The following ERN2 variants were observed in gnomAD, a reference collection of about 807,000 sequenced individuals.
ERN2 encodes serine/threonine-protein kinase/endoribonuclease IRE2.
Under a neutral mutation model 107.9 loss-of-function variants are expected in ERN2, and 111 were observed. That is an observed-to-expected ratio of 1.03 (90% CI 0.88 to 1.20). The LOEUF (loss-of-function observed/expected upper bound fraction) is 1.20. Among genes scored for constraint, ERN2 ranks in the 50% most tolerant of loss-of-function variants. The probability of loss-of-function intolerance (pLI) is 0.00; values close to 1 mark genes in which losing one functional copy is unlikely to be tolerated. For missense variants in ERN2, 1,225 were observed against 1,197.9 expected, an observed-to-expected ratio of 1.02 and a Z score of -0.33; for synonymous variants, 524 against 501.7, an observed-to-expected ratio of 1.04 and a Z score of -0.59.
chr16:23,697,516 G>A (rs1039432536), intron 13 of ERN2, among the ~76,000 whole-genome samples: 3 of 152,132 alleles, frequency 2.0e-5, no homozygotes, highest in African/African-American at 7.2e-5. Context: ...GCTGGACTCA[G>A]AGGCTCTTGT....
At chr16:23,703,889 T>C (rs1429565467) in intron 8 of ERN2, among the ~76,000 whole-genome samples, 1 of 152,198 alleles carries the variant, frequency 6.6e-6, no homozygotes, top group African/African-American at 2.4e-5. Flanking sequence ...TACATTCCCA[T>C]GGCATCTTAT....
intron 17 of ERN2, 122 bp downstream of exon 17, chr16:23,694,606 G>C: frequency 1.2e-6 from 1 of 800,890 alleles, no homozygotes. Flanking sequence ...CAAGCTTGGA[G>C]GAGCAGCTCA....
intron 4 of ERN2, 66 bp from the exon 5 acceptor site, chr16:23,707,145 G>A: frequency 5.3e-6 from 6 of 1,135,092 alleles, no homozygotes; most frequent in South Asian, 1.2e-5. Context: ...TGTGCCAGGT[G>A]AGCCCATTTC....
intron 17 of ERN2, 29 bp downstream of exon 17, chr16:23,694,699 T>C (rs1959726433): frequency 6.4e-7 from 1 of 1,562,412 alleles, no homozygotes; most frequent in Non-Finnish European, 8.7e-7. Flanking sequence ...GGCAGCTGTG[T>C]GCCTGGAGGA....
intron 4 of ERN2, chr16:23,707,434 G>A (rs1960365212): frequency 3.1e-6 from 1 of 318,596 alleles, no homozygotes; most frequent in South Asian, 2.9e-5. Flanking sequence ...CTTGCACTGG[G>A]GCAGGCATGG....
At position 23,691,851 on chromosome 16, in the gene ERN2, A is replaced by G. The variant is rs1959609087; in HGVS notation, c.2376+112T>C. On this transcript the variant is annotated intron_variant, in intron 19 of 21. Transcript: ENST00000256797. ...AGTTTAGGGAAAGAGCCAGGCTCCCAGGACCAGGTAGCTCTTCCTGTTTTC... is the reference window on the plus strand; with the variant it reads ...AGTTTAGGGAAAGAGCCAGGCTCCCGGGACCAGGTAGCTCTTCCTGTTTTC... 2.8e-6 allele frequency: 4 copies of G among 1,410,444 alleles called. No individual in the cohort carries two copies. The South Asian group carries it at 5.5e-5, about 19-fold the overall frequency. 87.4% of individuals were successfully genotyped at this position (1,410,444 alleles called of 1,614,324 possible). A position where few individuals can be genotyped will look rare whatever the true frequency, so the allele number is the denominator to read the frequency against.
At chr16:23,712,627 C>T (rs1160690682) in intron 1 of ERN2, 3 of 156,544 alleles carry the variant, frequency 1.9e-5, no homozygotes, top group East Asian at 3.8e-4. Flanking sequence ...CTCATTTATC[C>T]CATAGGTTCT....
chr16:23,701,406 C>T (rs1241003815), intron 11 of ERN2, among the ~76,000 whole-genome samples: 4 of 152,172 alleles, frequency 2.6e-5, no homozygotes, highest in African/African-American at 9.7e-5. Context: ...AACGCGTTAG[C>T]GCTGGAGTGG....
At chr16:23,711,791 A>T (rs35851391) in intron 1 of ERN2, among the ~76,000 whole-genome samples, 6,915 of 152,280 alleles carry the variant, frequency 0.045, 199 homozygotes, top group Middle Eastern at 0.12. Flanking sequence ...TTGAGTTGCC[A>T]TCCCTCTGAT....
In ERN2 at chr16:23,695,133, G is replaced by A; in HGVS notation, c.1801-15C>T. On this transcript the variant is annotated splice_polypyrimidine_tract_variant and intron_variant, in intron 15 of 21. Transcript: ENST00000256797. ...TTTTCTACGTACTGAGCAGCAGCAA[G>A]GGCCAAAGCATCACTCTCCAGCCCG... 2 of 1,613,944 alleles carry A rather than the reference G, an allele frequency of 1.2e-6. No individual in the cohort carries two copies. Among genetic ancestry groups the A allele is most frequent in the Non-Finnish European group, 1.7e-6 (2 of 1,179,834 alleles).
At chr16:23,696,075 C>T (rs901484054) in intron 13 of ERN2, 97 bp from the exon 14 acceptor site, 1 of 849,752 alleles carries the variant, frequency 1.2e-6, no homozygotes. Context: ...TGGGCCTCCA[C>T]CCTCCCATGC....
intron 6 of ERN2, 102 bp from the exon 7 acceptor site, chr16:23,706,533 A>G (rs1960322313): frequency 1.1e-6 from 1 of 899,008 alleles, no homozygotes; most frequent in East Asian, 2.6e-5. Context: ...CTGAGCACAC[A>G]GCCTAGAGAC....
Position 23,704,994 on chromosome 16 carries a change from A to G in ERN2, c.743T>C (p.Leu248Pro), listed in dbSNP as rs1218901167. Reference protein sequence around the residue: ...DGLRQLPHLTLARDTLHFLAL... With the variant: ...DGLRQLPHLTPARDTLHFLAL... ...GAGGAAATGCAGAGTGTCTCGAGCC[A>G]GCGTGAGATGCGGCAGCTGGCGCAG... Residue 248 changes from leucine (L) to proline (P), a missense_variant, in exon 8 of 22, where the codon CTG becomes CCG. By Grantham distance (98) the Leu-to-Pro change is moderately conservative. Coordinates refer to ENST00000256797, the MANE Select transcript of ERN2 (RefSeq NM_033266.4). 7 of 1,613,934 alleles carry G rather than the reference A, an allele frequency of 4.3e-6. No homozygotes were observed. Among genetic ancestry groups the G allele is most frequent in the Non-Finnish European group, 5.9e-6 (7 of 1,180,020 alleles).
chr16:23,698,216 C>T (rs933864101), intron 13 of ERN2, among the ~76,000 whole-genome samples: 1 of 152,198 alleles, frequency 6.6e-6, no homozygotes, highest in East Asian at 1.9e-4. Flanking sequence ...AATTAGGGCA[C>T]TTGCTGGAGC....
At position 23,695,031 on chromosome 16, in the gene ERN2, A is replaced by C. The variant is rs771280013; in HGVS notation, c.1888T>G (p.Ser630Ala). The part of the protein sequence containing the change: ...QLMSGLAHLH[S>A]LHIVHRDLKP... ...GAAGTGCGGGTACCTATGTGTAAAG[A>C]GTGCAGGTGGGCCAGGCCAGACATC... The change falls in exon 16 of 22, where the codon TCT becomes GCT. Residue 630 changes from serine to alanine, a missense_variant. By Grantham distance (99) the Ser-to-Ala change is moderately conservative. Transcript: ENST00000256797. 6.2e-7 allele frequency: 1 copy of C among 1,613,582 alleles called. No homozygotes were observed. The highest frequency in any genetic ancestry group is 1.1e-5 in the South Asian group (1 of 91,006).
In ERN2 at chr16:23,704,956, C is replaced by A. The variant is rs771745695; in HGVS notation, c.781G>T (p.Gly261Cys). 2 of 1,613,782 alleles carry A rather than the reference C, an allele frequency of 1.2e-6. No individual in the cohort carries two copies. Among genetic ancestry groups the A allele is most frequent in the Admixed American group, 3.3e-5 (2 of 60,014 alleles). ...CCTGAGGCAGGCAGTCGGATGTGGCCCCAGCGGAGGGCGAGGAAATGCAGA... is the reference window on the plus strand; with the variant it reads ...CCTGAGGCAGGCAGTCGGATGTGGCACCAGCGGAGGGCGAGGAAATGCAGA... ...DTLHFLALRW[G>C]HIRLPASGPR... Residue 261 changes from glycine (G) to cysteine (C), a missense_variant, in exon 8 of 22, where the codon GGC becomes TGC. Transcript: ENST00000256797.
Position 23,695,372 on chromosome 16 carries a change from C to G in ERN2, c.1628G>C (p.Arg543Pro), listed in dbSNP as rs769423659. 1 of 1,598,378 alleles carries G rather than the reference C, an allele frequency of 6.3e-7. No homozygotes were observed. The highest frequency in any genetic ancestry group is 1.3e-5 in the African/African-American group (1 of 74,602). ...TFVFRGQFEG[R>P]AVAVKRLLRE... ...GAGGAGCCGCTTGACAGCCACTGCC[C>G]GTCCCTCAAACTGTCCCCTGGAAAG... Residue 543 changes from arginine to proline, a missense_variant, in exon 15 of 22, where the codon CGG becomes CCG. Physicochemically the swap from Arg to Pro is moderately radical, Grantham distance 103 (BLOSUM62 -2). Coordinates refer to ENST00000256797, the MANE Select transcript of ERN2 (RefSeq NM_033266.4).
At chr16:23,693,300 T>G (rs1166472621) in intron 17 of ERN2, among the ~76,000 whole-genome samples, 1 of 151,648 alleles carries the variant, frequency 6.6e-6, no homozygotes, top group Non-Finnish European at 1.5e-5. Context: ...AATATATATA[T>G]ATAGGGCCAA....
Position 23,694,717 on chromosome 16 carries a change from G to T in ERN2, c.2100+11C>A, listed in dbSNP as rs560836583. 1.0e-4 allele frequency: 163 copies of T among 1,591,704 alleles called. 3 individuals carry two copies. In the Middle Eastern group the frequency reaches 1.6e-3, roughly 16 times the overall value. On this transcript the variant is annotated intron_variant, in intron 17 of 21. Coordinates refer to ENST00000256797, the MANE Select transcript of ERN2 (RefSeq NM_033266.4). ...AGCTGTGTGCCTGGAGGACTTGGTGGATAGACTCACAGGACTGTCTGGTGG... is the reference window on the plus strand; with the variant it reads ...AGCTGTGTGCCTGGAGGACTTGGTGTATAGACTCACAGGACTGTCTGGTGG...
Sources: allele counts gnomAD v4.1 joint callset (sites outside exome capture counted in the v4.1 genomes callset), GRCh38; gene constraint gnomAD v4.1.1; transcripts MANE v1.5; gene names NCBI Gene and HGNC (gene_info 2026-07-23, HGNC 2026-07-21).